Variants in PTPRT observed in about 807,000 individuals in gnomAD.
The protein encoded by PTPRT is protein tyrosine phosphatase receptor type T, also known as receptor-type tyrosine-protein phosphatase T.
Under a neutral mutation model 176.8 loss-of-function variants are expected in PTPRT, and 56 were observed. The ratio of observed to expected loss-of-function variants is 0.32; its 90% CI spans 0.26 to 0.40. The LOEUF (loss-of-function observed/expected upper bound fraction) is 0.40. PTPRT is among the 10% of genes least tolerant of loss of function. The pLI, the probability that PTPRT is intolerant of heterozygous loss-of-function variation, is 1.00. For synonymous variants in PTPRT, 783 were observed against 739.0 expected, an observed-to-expected ratio of 1.06 and a Z score of -0.96; for missense variants, 1,540 against 1,908.2, an observed-to-expected ratio of 0.81 and a Z score of 3.60.
intron 7 of PTPRT, among the ~76,000 whole-genome samples, chr20:42,615,675 C>A (rs1276986809): frequency 7.8e-6 from 1 of 128,322 alleles, no homozygotes. Flanking sequence ...ATTTGCATTT[C>A]TCTGATGGCC....
At chr20:42,806,808 TA>T (rs934215433) in intron 2 of PTPRT, among the ~76,000 whole-genome samples, 7 of 152,288 alleles carry the variant, frequency 4.6e-5, no homozygotes, top group Non-Finnish European at 1.0e-4. Context: ...AGGCAAATAC[TA>T]AATTCTCAAT....
intron 8 of PTPRT, among the ~76,000 whole-genome samples, chr20:42,472,020 T>A (rs2071206489): frequency 6.6e-6 from 1 of 152,054 alleles, no homozygotes; most frequent in African/African-American, 2.4e-5. Context: ...AGAAGAGGGA[T>A]GGGGGTACAA....
intron 2 of PTPRT, among the ~76,000 whole-genome samples, chr20:42,828,561 A>T (rs980438026): frequency 6.6e-6 from 1 of 152,108 alleles, no homozygotes; most frequent in Non-Finnish European, 1.5e-5. Context: ...CCCCCAGAGG[A>T]CTAGGAAGAA....
chr20:42,550,625 C>G (rs191226239), intron 7 of PTPRT, among the ~76,000 whole-genome samples: 1 of 152,182 alleles, frequency 6.6e-6, no homozygotes, highest in East Asian at 1.9e-4. Flanking sequence ...TACAAAGGAA[C>G]CACTTTGGCT....
chr20:42,501,268 T>C (rs1402079582), intron 7 of PTPRT, among the ~76,000 whole-genome samples: 1 of 152,218 alleles, frequency 6.6e-6, no homozygotes, highest in African/African-American at 2.4e-5. Flanking sequence ...CACAGTGTTT[T>C]AAGTAACATT....
intron 2 of PTPRT, among the ~76,000 whole-genome samples, chr20:42,845,653 A>G (rs1569187828): frequency 6.6e-6 from 1 of 152,176 alleles, no homozygotes; most frequent in South Asian, 2.1e-4. Context: ...CATGGCAGAG[A>G]ACTCCCTGGG....
chr20:42,603,027 T>C (rs962844190), intron 7 of PTPRT, among the ~76,000 whole-genome samples: 1 of 152,182 alleles, frequency 6.6e-6, no homozygotes, highest in Non-Finnish European at 1.5e-5. Context: ...CATTTATTCA[T>C]TTATTCACTT....
intron 7 of PTPRT, among the ~76,000 whole-genome samples, chr20:42,608,169 T>A (rs934087670): frequency 6.6e-6 from 1 of 152,100 alleles, no homozygotes; most frequent in Non-Finnish European, 1.5e-5. Flanking sequence ...CACCTCATGG[T>A]CTCATGTCTC....
intron 7 of PTPRT, among the ~76,000 whole-genome samples, chr20:42,599,085 C>T (rs6102924): frequency 0.12 from 18,939 of 152,034 alleles, 1,271 homozygotes; most frequent in South Asian, 0.15. Context: ...ATATTGAGGA[C>T]CTGGTGGCAA....
chr20:42,934,912 T>C (rs1775086746), intron 1 of PTPRT, among the ~76,000 whole-genome samples: 1 of 151,324 alleles, frequency 6.6e-6, no homozygotes, highest in South Asian at 2.1e-4. Context: ...CTATTAAAAA[T>C]ATAAAAAAAG....
intron 2 of PTPRT, among the ~76,000 whole-genome samples, chr20:42,874,472 T>C (rs1337478714): frequency 1.3e-5 from 2 of 152,178 alleles, no homozygotes; most frequent in Non-Finnish European, 2.9e-5. Flanking sequence ...CTTTAATAAA[T>C]ACAATTTTAA....
intron 7 of PTPRT, among the ~76,000 whole-genome samples, chr20:42,476,816 T>C (rs532403850): frequency 6.6e-6 from 1 of 152,256 alleles, no homozygotes; most frequent in Non-Finnish European, 1.5e-5. Flanking sequence ...GTATAGGAAG[T>C]TGAGACTCAG....
rs540537835 is a variant in PTPRT, at chr20:42,215,984, C to A, written c.2343-16596G>T. On this transcript the variant is annotated intron_variant, in intron 15 of 30. Transcript: ENST00000373187. ...TCTGTCTGCTATATCCCAACAAAGC[C>A]TGTATGTGGATAGATGATGACCATG... is the stretch of plus-strand genomic sequence containing the variant. Among the ~76,000 whole-genome samples, 167 of 152,218 alleles carry A rather than the reference C, an allele frequency of 1.1e-3. 4 individuals carry two copies. Among genetic ancestry groups the A allele is most frequent in the Non-Finnish European group, 6.6e-4 (45 of 68,048 alleles).
intron 6 of PTPRT, among the ~76,000 whole-genome samples, chr20:42,754,646 G>T (rs1279923983): frequency 1.3e-5 from 2 of 152,188 alleles, no homozygotes; most frequent in Non-Finnish European, 2.9e-5. Context: ...CAAAGTGGTG[G>T]CTTCTTTTCT....
At chr20:42,064,656 T>A in the PTPRT span, among the ~76,000 whole-genome samples, 2 of 152,362 alleles carry the variant, frequency 1.3e-5, no homozygotes, top group South Asian at 4.1e-4. Context: ...TTGAATTTTC[T>A]TATCAGTCTT....
chr20:42,775,861 CT>C (rs879791496), intron 4 of PTPRT, among the ~76,000 whole-genome samples: 10 of 152,168 alleles, frequency 6.6e-5, no homozygotes, highest in Admixed American at 3.9e-4. Context: ...TGTCCACAGG[CT>C]TTTTTGAATT....
chr20:43,071,135 T>C (rs2011175100), intron 1 of PTPRT, among the ~76,000 whole-genome samples: 1 of 152,118 alleles, frequency 6.6e-6, no homozygotes, highest in African/African-American at 2.4e-5. Flanking sequence ...CCTTGAGGCA[T>C]CAGGCTGAAG....
At chr20:42,235,621 C>A (rs928405345) in intron 15 of PTPRT, among the ~76,000 whole-genome samples, 4 of 152,016 alleles carry the variant, frequency 2.6e-5, no homozygotes, top group African/African-American at 9.7e-5. Flanking sequence ...AATGGATAAG[C>A]AAGCACCCAT....
chr20:42,505,871 T>C lies in PTPRT; in HGVS notation c.1154-33309A>G, dbSNP rs567313648. Among the ~76,000 whole-genome samples the C allele has an allele frequency of 6.6e-5, 10 of 152,288 alleles. No homozygotes were observed. The South Asian group carries it at 8.3e-4, about 13-fold the overall frequency. On this transcript the variant is annotated intron_variant, in intron 7 of 30. Transcript: ENST00000373187. ...ATATTTGCCATTTGACTGCTTTTCA[T>C]TGGAATTGGATTAAAGCATATTTCA...
Sources: gnomAD v4.1 joint callset for allele counts (sites outside exome capture counted in the v4.1 genomes callset) on GRCh38, gnomAD v4.1.1 for gene constraint, MANE v1.5 for transcripts, NCBI Gene and HGNC (gene_info 2026-07-23, HGNC 2026-07-21) for gene names.